Variants in ADGRB3 observed in about 807,000 individuals in gnomAD.
The protein encoded by ADGRB3 is adhesion G protein-coupled receptor B3.
ADGRB3 carries 37 observed loss-of-function variants against 193.4 expected under a neutral mutation model. The observed-to-expected ratio is 0.19, with a 90% CI of 0.15 to 0.25. The LOEUF (loss-of-function observed/expected upper bound fraction) is 0.25, where lower values mean the gene tolerates loss of function less well. ADGRB3 is among the 10% of genes least tolerant of loss of function. The probability of loss-of-function intolerance (pLI) is 1.00; values close to 1 mark genes in which losing one functional copy is unlikely to be tolerated. For synonymous variants in ADGRB3, 690 were observed against 644.2 expected, an observed-to-expected ratio of 1.07 and a Z score of -1.08; for missense variants, 1,637 against 1,852.9, an observed-to-expected ratio of 0.88 and a Z score of 2.14.
At chr6:69,217,959 TAAAC>T (rs1189885065) in intron 17 of ADGRB3, among the ~76,000 whole-genome samples, 2 of 151,174 alleles carry the variant, frequency 1.3e-5, no homozygotes, top group Non-Finnish European at 2.9e-5. Context: ...GCCTCACTCT[TAAAC>T]AAGGATGCAA....
chr6:68,749,922 T>C (rs563193818), intron 3 of ADGRB3, among the ~76,000 whole-genome samples: 1 of 152,300 alleles, frequency 6.6e-6, no homozygotes, highest in Non-Finnish European at 1.5e-5. Context: ...TTATAACAAA[T>C]GAGTTAACAA....
At chr6:69,127,858 G>A (rs952095601) in intron 17 of ADGRB3, among the ~76,000 whole-genome samples, 1 of 151,682 alleles carries the variant, frequency 6.6e-6, no homozygotes, top group Non-Finnish European at 1.5e-5. Context: ...TTTGTATGAG[G>A]TGGGACCAAC....
intron 3 of ADGRB3, among the ~76,000 whole-genome samples, chr6:68,827,674 A>G (rs1767870844): frequency 6.7e-6 from 1 of 149,680 alleles, no homozygotes; most frequent in African/African-American, 2.5e-5. Context: ...TTTGGGGGGG[A>G]GGGGGTTCTA....
intron 20 of ADGRB3, among the ~76,000 whole-genome samples, chr6:69,297,910 A>G (rs1218099832): frequency 1.3e-5 from 2 of 152,082 alleles, no homozygotes; most frequent in Admixed American, 1.3e-4. Context: ...CCTTACAAAG[A>G]CAGAGCTGAT....
chr6:68,662,402 G>T (rs4708243), intron 3 of ADGRB3, among the ~76,000 whole-genome samples: 27,837 of 151,308 alleles, frequency 0.18, 2,723 homozygotes, highest in South Asian at 0.3. Context: ...CCAGGATAGG[G>T]CGAGATTTTG....
chr6:69,233,084 C>T (rs767122775), intron 17 of ADGRB3: 2 of 674,142 alleles, frequency 3.0e-6, no homozygotes, highest in South Asian at 2.0e-5. Flanking sequence ...CACGCCGCAC[C>T]GCCGCCTGCT....
At chr6:68,978,724 CTTAAA>C (rs1768821594) in intron 10 of ADGRB3, among the ~76,000 whole-genome samples, 2 of 151,382 alleles carry the variant, frequency 1.3e-5, no homozygotes, top group African/African-American at 4.8e-5. Context: ...TCCTCAAATT[CTTAAA>C]TTAGTTTGGA....
chr6:69,275,001 G>C (rs1767270980), intron 20 of ADGRB3, among the ~76,000 whole-genome samples: 1 of 152,130 alleles, frequency 6.6e-6, no homozygotes, highest in Non-Finnish European at 1.5e-5. Context: ...TCTTGGTTTA[G>C]AGGAGAATTG....
intron 20 of ADGRB3, among the ~76,000 whole-genome samples, chr6:69,256,294 C>T (rs1232686928): frequency 2.6e-5 from 4 of 151,774 alleles, no homozygotes; most frequent in Non-Finnish European, 2.9e-5. Context: ...TACCTTGGGC[C>T]GTATGGCCAT....
chr6:69,331,542 C>G (rs1161408365), intron 23 of ADGRB3: 17 of 985,210 alleles, frequency 1.7e-5, no homozygotes, highest in Non-Finnish European at 2.0e-5. Context: ...TAAGCTTGTT[C>G]TCCCTCAACT....
chr6:68,846,860 A>G (rs1206906660), intron 3 of ADGRB3, among the ~76,000 whole-genome samples: 1 of 152,200 alleles, frequency 6.6e-6, no homozygotes, highest in African/African-American at 2.4e-5. Context: ...GAAGAAGCCC[A>G]CCATCTGTCA....
chr6:69,109,538 C>G (rs1299675454), intron 17 of ADGRB3, among the ~76,000 whole-genome samples: 2 of 152,110 alleles, frequency 1.3e-5, no homozygotes, highest in African/African-American at 4.8e-5. Context: ...TTATTTAACT[C>G]AAATTATGAG....
chr6:69,337,808 A>T (rs1048925181), intron 24 of ADGRB3, among the ~76,000 whole-genome samples: 1 of 152,194 alleles, frequency 6.6e-6, no homozygotes, highest in African/African-American at 2.4e-5. Context: ...AAAATAAACC[A>T]GAGTTCTAAA....
chr6:69,216,902 G>T (rs1239585381), intron 17 of ADGRB3, among the ~76,000 whole-genome samples: 1 of 152,190 alleles, frequency 6.6e-6, no homozygotes, highest in Admixed American at 6.5e-5. Flanking sequence ...GTTTGGAGAT[G>T]AAGAGGGCAC....
Position 69,375,836 on chromosome 6 carries a change from G to A in ADGRB3, c.4275+3395G>A, listed in dbSNP as rs769236394. Among the ~76,000 whole-genome samples, 76 of 152,068 alleles carry A rather than the reference G, an allele frequency of 5.0e-4. 1 individual carries two copies. The highest frequency in any genetic ancestry group is 3.4e-3 in the Middle Eastern group (1 of 294). On this transcript the variant is annotated intron_variant, in intron 30 of 31. Transcript: ENST00000370598. Reference sequence around the variant, plus strand: ...TGCATACCTGTAATCCCGGCTACTTGGGAGGCTGGGGCGGGAGAATTGATT... The same window carrying A: ...TGCATACCTGTAATCCCGGCTACTTAGGAGGCTGGGGCGGGAGAATTGATT...
intron 3 of ADGRB3, among the ~76,000 whole-genome samples, chr6:68,645,278 C>T (rs1205206183): frequency 6.6e-6 from 1 of 151,738 alleles, no homozygotes. Flanking sequence ...TCACTTTCTT[C>T]TTTTCAGAGT....
chr6:68,874,938 A>C (rs988351054), intron 3 of ADGRB3, among the ~76,000 whole-genome samples: 2 of 152,228 alleles, frequency 1.3e-5, no homozygotes, highest in Admixed American at 6.5e-5. Context: ...CTCTGGGTGC[A>C]GATAGCTGTG....
Position 68,783,974 on chromosome 6 carries a change from A to G in ADGRB3, c.757+144542A>G, listed in dbSNP as rs146356303. ...TTTAACTTCTCAGTTACTGCAAATC[A>G]GTGTTCTTAATAAGAGACTGGAGAT... On this transcript the variant is annotated intron_variant, in intron 3 of 31. Transcript: ENST00000370598. 3.7e-3 allele frequency among the ~76,000 whole-genome samples: 570 copies of G among 152,154 alleles called. 2 individuals are homozygous for G. Among genetic ancestry groups the G allele is most frequent in the African/African-American group, 0.013 (524 of 41,530 alleles).
At chr6:69,204,054 A>G (rs1401258106) in intron 17 of ADGRB3, among the ~76,000 whole-genome samples, 3 of 152,082 alleles carry the variant, frequency 2.0e-5, no homozygotes, top group African/African-American at 7.2e-5. Context: ...TTAGTTTTTA[A>G]TAACTGGTAT....
Sources: gnomAD v4.1 joint callset for allele counts (sites outside exome capture counted in the v4.1 genomes callset) on GRCh38, gnomAD v4.1.1 for gene constraint, MANE v1.5 for transcripts, NCBI Gene and HGNC (gene_info 2026-07-23, HGNC 2026-07-21) for gene names.